The following ATP4A variants were observed in gnomAD, a reference collection of about 807,000 sequenced individuals.
ATP4A encodes potassium-transporting ATPase alpha chain 1.
In ATP4A, 73 loss-of-function variants were observed where a neutral mutation model predicts 112.1. The ratio of observed to expected loss-of-function variants is 0.65; its 90% CI spans 0.54 to 0.79. The LOEUF (loss-of-function observed/expected upper bound fraction) is 0.79, where lower values mean the gene tolerates loss of function less well. Among genes scored for constraint, ATP4A ranks in the 30% least tolerant of loss-of-function variants. The pLI, the probability that ATP4A is intolerant of heterozygous loss-of-function variation, is 0.00. For synonymous variants in ATP4A, 588 were observed against 588.9 expected (o/e 1.00, Z 0.02); for missense variants, 1,081 against 1,425.9 (o/e 0.76, Z 3.90).
At position 35,555,824 on chromosome 19, in the gene ATP4A, A is replaced by C; in HGVS notation, c.1870-12T>G. ...GTTACCATGATCACCTGTAGGGGGAACCAGTGGATCACTGACCCCTTCAGA... is the reference window on the plus strand; with the variant it reads ...GTTACCATGATCACCTGTAGGGGGACCCAGTGGATCACTGACCCCTTCAGA... On this transcript the variant is annotated splice_polypyrimidine_tract_variant and intron_variant, in intron 12 of 21. Transcript: ENST00000262623. The surrounding 1 kb of genome is among the most constrained non-coding windows in gnomAD (Gnocchi z 6.6). 1 of 1,599,256 alleles carries C rather than the reference A, an allele frequency of 6.3e-7. No individual in the cohort carries two copies. The highest frequency in any genetic ancestry group is 1.7e-5 in the Admixed American group (1 of 59,632).
Position 35,555,665 on chromosome 19 carries a change from G to T in ATP4A, c.2006+11C>A, listed in dbSNP as rs80198561. On this transcript the variant is annotated intron_variant, in intron 13 of 21. Coordinates refer to ENST00000262623, the MANE Select transcript of ATP4A (RefSeq NM_000704.3). The surrounding 1 kb of genome is among the most constrained non-coding windows in gnomAD (Gnocchi z 6.6). ...GTGGGGAGAACCCCGGGGAGGTCTG[G>T]GGGGGCTTACTTGCGATTAACCTGG... 3.9e-3 allele frequency: 6,194 copies of T among 1,596,142 alleles called. 101 individuals carry two copies. In the African/African-American group the frequency reaches 0.045, roughly 11 times the overall value.
intron 3 of ATP4A, among the ~76,000 whole-genome samples, chr19:35,562,973 CCTCTCCCTCT>C (rs762176122): frequency 2.2e-4 from 34 of 151,208 alleles, no homozygotes; most frequent in Non-Finnish European, 4.1e-4. Flanking sequence ...CCCTTCTCTC[CCTCTCCCTCT>C]CTCTCCCTCT....
At position 35,555,841 on chromosome 19, in the gene ATP4A, C is replaced by A; in HGVS notation, c.1870-29G>T. Reference sequence around the variant, plus strand: ...TAGGGGGAACCAGTGGATCACTGACCCCTTCAGATCAGCCCAATCTCCCTG... The same window carrying A: ...TAGGGGGAACCAGTGGATCACTGACACCTTCAGATCAGCCCAATCTCCCTG... On this transcript the variant is annotated intron_variant, in intron 12 of 21. Coordinates refer to ENST00000262623, the MANE Select transcript of ATP4A (RefSeq NM_000704.3). The surrounding 1 kb of genome is among the most constrained non-coding windows in gnomAD (Gnocchi z 6.6). 1 of 1,579,354 alleles carries A rather than the reference C, an allele frequency of 6.3e-7. No individual in the cohort carries two copies.
In ATP4A at chr19:35,557,970, G is replaced by A. The variant is rs990449632; in HGVS notation, c.1501-123C>T. 2 of 818,000 alleles carry A rather than the reference G, an allele frequency of 2.4e-6. No homozygotes were observed. Among genetic ancestry groups the A allele is most frequent in the African/African-American group, 3.5e-5 (2 of 57,326 alleles). 50.7% of individuals were successfully genotyped at this position (818,000 alleles called of 1,614,324 possible). On this transcript the variant is annotated intron_variant, in intron 10 of 21. Transcript: ENST00000262623. This position sits in a 1 kb window ranked among gnomAD's most constrained non-coding sequence, Gnocchi z 4.4. ...GAGCTCGGTGCGGGCTCTGAGAGCTGCGGGGAAGGGTGAAGGTGGAAGATG... is the reference window on the plus strand; with the variant it reads ...GAGCTCGGTGCGGGCTCTGAGAGCTACGGGGAAGGGTGAAGGTGGAAGATG...
intron 4 of ATP4A, among the ~76,000 whole-genome samples, chr19:35,561,509 C>T (rs1211307175): frequency 6.6e-6 from 1 of 152,056 alleles, no homozygotes; most frequent in East Asian, 1.9e-4. Context: ...TCCCCAGTCA[C>T]TGTGTCCCGT....
chr19:35,556,968 G>A lies in ATP4A; in HGVS notation c.1814C>T (p.Pro605Leu). ...AGCATCAGGGACGGTGGCCCGGGGT[G>A]GGTCAATCATGGATACAAGTCCCGC... ...CFAGLVSMID[P>L]PRATVPDAVL... Residue 605 changes from proline to leucine, a missense_variant, in exon 12 of 22, where the codon CCA becomes CTA. Physicochemically the swap from Pro to Leu is moderately conservative, Grantham distance 98 (BLOSUM62 -3). Transcript: ENST00000262623. 1 of 1,614,168 alleles carries A rather than the reference G, an allele frequency of 6.2e-7. No homozygotes were observed. Among genetic ancestry groups the A allele is most frequent in the Non-Finnish European group, 8.5e-7 (1 of 1,180,028 alleles).
Position 35,563,521 on chromosome 19 carries a change from A to T in ATP4A, c.19T>A (p.Tyr7Asn). The T allele has an allele frequency of 6.2e-7, 1 of 1,613,896 alleles. No individual in the cohort carries two copies. Among genetic ancestry groups the T allele is most frequent in the Non-Finnish European group, 8.5e-7 (1 of 1,179,950 alleles). The change falls in exon 2 of 22, where the codon TAT becomes AAT. Residue 7 changes from tyrosine to asparagine, a missense_variant. Transcript: ENST00000262623. The stretch of plus-strand genomic sequence containing the variant: ...CCCAGCTCCACCGAGTAGAGCTCAT[A>T]GTTCTCCTGGGAATGGACAGGATGG... MGKAEN[Y>N]ELYSVELGPG...
At position 35,555,155 on chromosome 19, in the gene ATP4A, G is replaced by A. The variant is rs199650617; in HGVS notation, c.2326+11C>T. The A allele has an allele frequency of 1.7e-4, 267 of 1,614,118 alleles. No homozygotes were observed. The highest frequency in any genetic ancestry group is 2.0e-4 in the Non-Finnish European group (237 of 1,180,020). On this transcript the variant is annotated intron_variant, in intron 15 of 21. Transcript: ENST00000262623. This position sits in a 1 kb window ranked among gnomAD's most constrained non-coding sequence, Gnocchi z 6.6. ...CCACACTGCCTGCCCTCCCCCTGGC[G>A]TGGCTCGGACCCTGCTCCACGCCTG...
At chr19:35,554,219 T>C (rs1192343943) in intron 16 of ATP4A, among the ~76,000 whole-genome samples, 2 of 152,032 alleles carry the variant, frequency 1.3e-5, no homozygotes, top group African/African-American at 4.8e-5. Flanking sequence ...TTCATCTGCT[T>C]GTGCCTAGAG....
chr19:35,559,970 G>A lies in ATP4A; in HGVS notation c.891C>T (p.Ile297=), dbSNP rs199739731. Residue 297 remains isoleucine (I), a synonymous_variant, in exon 7 of 22, where the codon ATC becomes ATT. Coordinates refer to ENST00000262623, the MANE Select transcript of ATP4A (RefSeq NM_000704.3). The surrounding 1 kb of genome is among the most constrained non-coding windows in gnomAD (Gnocchi z 4.1). ...TGATGTCCACAAAATGCTCGATCTCGATAGCGATGGGTGTCTTCTCGTTTT... is the reference window on the plus strand; with the variant it reads ...TGATGTCCACAAAATGCTCGATCTCAATAGCGATGGGTGTCTTCTCGTTTT... The part of the protein sequence containing the change: ...GVENEKTPIA[I]EIEHFVDIIA... The A allele has an allele frequency of 1.2e-5, 19 of 1,614,108 alleles. No homozygotes were observed. Among genetic ancestry groups the A allele is most frequent in the Non-Finnish European group, 1.5e-5 (18 of 1,180,048 alleles).
rs1008492407 is a variant in ATP4A at position 35,560,287 on chromosome 19, C to T, written c.787+76G>A. ...GAGAGAGACAGGGAGGCTGAAGCCCCCTGTCCTAGAAGATAGCAGGAGAGA... is the reference window on the plus strand; with the variant it reads ...GAGAGAGACAGGGAGGCTGAAGCCCTCTGTCCTAGAAGATAGCAGGAGAGA... On this transcript the variant is annotated intron_variant, in intron 6 of 21. Coordinates refer to ENST00000262623, the MANE Select transcript of ATP4A (RefSeq NM_000704.3). The surrounding 1 kb of genome is among the most constrained non-coding windows in gnomAD (Gnocchi z 5.1). The T allele has an allele frequency of 8.8e-6, 14 of 1,587,864 alleles. No individual in the cohort carries two copies. In the African/African-American group the frequency reaches 1.1e-4, roughly 12 times the overall value.
Position 35,558,290 on chromosome 19 carries a change from C to CT in ATP4A, c.1500+71dup. The CT allele has an allele frequency of 6.5e-7, 1 of 1,526,952 alleles. No homozygotes were observed. The highest frequency in any genetic ancestry group is 1.4e-5 in the African/African-American group (1 of 72,322). The allele number at this position is 1,526,952 out of a possible 1,614,324, so 94.6% of individuals were successfully genotyped here. A position where few individuals can be genotyped will look rare whatever the true frequency, so the allele number is the denominator to read the frequency against. The stretch of plus-strand genomic sequence containing the variant: ...AAGGAGCGAAGCCCCTCGTGGCCCG[C>CT]TGATGTGGGTGTGGCCTGGGGCGGG... On this transcript the variant is annotated intron_variant, in intron 10 of 21. Transcript: ENST00000262623. The surrounding 1 kb of genome is among the most constrained non-coding windows in gnomAD (Gnocchi z 5.1).
chr19:35,562,513 G>T lies in ATP4A; in HGVS notation c.342C>A (p.Leu114=), dbSNP rs774445461. 9.3e-6 allele frequency: 15 copies of T among 1,614,014 alleles called. No individual in the cohort carries two copies. Among genetic ancestry groups the T allele is most frequent in the Non-Finnish European group, 1.1e-5 (13 of 1,180,036 alleles). ...GGCAGATGGCGGCGGCAACCCACATGAGGCACTGCAGGCCCCCGGCCAGCT... is the reference window on the plus strand; with the variant it reads ...GGCAGATGGCGGCGGCAACCCACATTAGGCACTGCAGGCCCCCGGCCAGCT... ...ARQLAGGLQC[L]MWVAAAICLI... The change falls in exon 4 of 22, where the codon CTC becomes CTA. Residue 114 remains leucine, a synonymous_variant. Coordinates refer to ENST00000262623, the MANE Select transcript of ATP4A (RefSeq NM_000704.3).
intron 16 of ATP4A, 140 bp from the exon 17 acceptor site, chr19:35,553,969 A>G: frequency 8.1e-7 from 1 of 1,237,794 alleles, no homozygotes; most frequent in Non-Finnish European, 1.1e-6. Context: ...GCACAGCCAC[A>G]CCAGCCTGGA....
intron 2 of ATP4A, 22 bp from the exon 3 acceptor site, chr19:35,563,290 G>C (rs2071683155): frequency 6.2e-7 from 1 of 1,613,364 alleles, no homozygotes; most frequent in Non-Finnish European, 8.5e-7. Flanking sequence ...GGTGGGGCAG[G>C]GTGCTTGCTC....
Position 35,559,334 on chromosome 19 carries a change from G to GC in ATP4A, c.1057-144dup. Reference sequence around the variant, plus strand: ...TCTGCAAACACCAGGTGTTTTCTTGGCCCCAGCTTTTGTTCAGCCAGTGCT... The same window carrying GC: ...TCTGCAAACACCAGGTGTTTTCTTGGCCCCCAGCTTTTGTTCAGCCAGTGCT... On this transcript the variant is annotated intron_variant, in intron 7 of 21. Transcript: ENST00000262623. This position sits in a 1 kb window ranked among gnomAD's most constrained non-coding sequence, Gnocchi z 4.1. 2 of 866,670 alleles carry GC rather than the reference G, an allele frequency of 2.3e-6. No homozygotes were observed. The highest frequency in any genetic ancestry group is 3.3e-5 in the South Asian group (2 of 61,496). 53.7% of individuals were successfully genotyped at this position (866,670 alleles called of 1,614,324 possible). A position where few individuals can be genotyped will look rare whatever the true frequency, so the allele number is the denominator to read the frequency against.
Position 35,560,665 on chromosome 19 carries a change from G to A in ATP4A, c.535-50C>T. 6.3e-7 allele frequency: 1 copy of A among 1,586,880 alleles called. No homozygotes were observed. Among genetic ancestry groups the A allele is most frequent in the African/African-American group, 1.3e-5 (1 of 74,594 alleles). ...GAGGTGGACGGGGGTGGGGGTGGGAGCTGCTGCATGTGGGGAGGTAAAGGA... is the reference window on the plus strand; with the variant it reads ...GAGGTGGACGGGGGTGGGGGTGGGAACTGCTGCATGTGGGGAGGTAAAGGA... On this transcript the variant is annotated intron_variant, in intron 5 of 21. Coordinates refer to ENST00000262623, the MANE Select transcript of ATP4A (RefSeq NM_000704.3). The surrounding 1 kb of genome is among the most constrained non-coding windows in gnomAD (Gnocchi z 5.1).
rs770437681 is a variant in ATP4A, at chr19:35,551,627, C to G, written c.2752-47G>C. The stretch of plus-strand genomic sequence containing the variant: ...AAACAGCCTGAGTCCAGCCTGAGTC[C>G]CGGCGGAGAGCCTCTGCAGCCCACC... On this transcript the variant is annotated intron_variant, in intron 18 of 21. Coordinates refer to ENST00000262623, the MANE Select transcript of ATP4A (RefSeq NM_000704.3). This position sits in a 1 kb window ranked among gnomAD's most constrained non-coding sequence, Gnocchi z 5.2. 1.9e-6 allele frequency: 3 copies of G among 1,587,562 alleles called. No individual in the cohort carries two copies. The highest frequency in any genetic ancestry group is 1.7e-6 in the Non-Finnish European group (2 of 1,166,776).
chr19:35,555,176 G>A lies in ATP4A; in HGVS notation c.2316C>T (p.Gly772=), dbSNP rs532736050. The A allele has an allele frequency of 6.8e-6, 11 of 1,614,012 alleles. No homozygotes were observed. The highest frequency in any genetic ancestry group is 1.3e-5 in the African/African-American group (1 of 74,996). The change falls in exon 15 of 22, where the codon GGC becomes GGT. Residue 772 remains glycine (G), a synonymous_variant. Transcript: ENST00000262623. This position sits in a 1 kb window ranked among gnomAD's most constrained non-coding sequence, Gnocchi z 6.6. The part of the protein sequence containing the change: ...LDDNFASIVT[G]VEQGRLIFDN... ...TGGCGTGGCTCGGACCCTGCTCCAC[G>A]CCTGTCACAATGGAGGCAAAGTTGT...
Sources: gnomAD v4.1 joint callset for allele counts (sites outside exome capture counted in the v4.1 genomes callset) on GRCh38, gnomAD v4.1.1 for gene constraint, Gnocchi (gnomAD v3.1) non-coding constraint, MANE v1.5 for transcripts, NCBI Gene and HGNC (gene_info 2026-07-23, HGNC 2026-07-21) for gene names.